Variants in KAT6A observed in about 807,000 individuals in gnomAD.
The protein encoded by KAT6A is lysine acetyltransferase 6A.
Under a neutral mutation model 198.4 loss-of-function variants are expected in KAT6A, and 9 were observed. The ratio of observed to expected loss-of-function variants is 0.05; its 90% CI spans 0.03 to 0.08. The LOEUF (loss-of-function observed/expected upper bound fraction) is 0.08, where lower values mean the gene tolerates loss of function less well. Among genes scored for constraint, KAT6A ranks in the 10% least tolerant of loss-of-function variants. The probability of loss-of-function intolerance (pLI) is 1.00; values close to 1 mark genes in which losing one functional copy is unlikely to be tolerated. For synonymous variants in KAT6A, 890 were observed against 883.0 expected, an observed-to-expected ratio of 1.01 and a Z score of -0.14; for missense variants, 2,077 against 2,509.9, an observed-to-expected ratio of 0.83 and a Z score of 3.69.
chr8:42,041,212 AAC>A (rs1450236900), intron 2 of KAT6A, among the ~76,000 whole-genome samples: 1 of 150,782 alleles, frequency 6.6e-6, no homozygotes, highest in African/African-American at 2.4e-5. Context: ...AAAAAAAAAA[AAC>A]TGTGCAGCTG....
chr8:41,930,456 CAATTAAAG>C lies in KAT6A; in HGVS notation c.*1741_*1748del, dbSNP rs1821472258. 4.6e-6 allele frequency: 1 copy of C among 217,354 alleles called. No homozygotes were observed. The highest frequency in any genetic ancestry group is 9.2e-6 in the Non-Finnish European group (1 of 108,406). The allele number at this position is 217,354 out of a possible 1,614,324, so 13.5% of individuals were successfully genotyped here. A position where few individuals can be genotyped will look rare whatever the true frequency, so the allele number is the denominator to read the frequency against. ...TTCTACCTAGCACGCTTGAGAAAGT[CAATTAAAG>C]TGTATTAAAAAAACCAACAAACCTG... On this transcript the variant is annotated 3_prime_UTR_variant, in exon 17 of 17. Coordinates refer to ENST00000265713, the MANE Select transcript of KAT6A (RefSeq NM_006766.5).
At chr8:41,993,586 A>G (rs190860051) in intron 2 of KAT6A, among the ~76,000 whole-genome samples, 2 of 152,226 alleles carry the variant, frequency 1.3e-5, no homozygotes, top group Non-Finnish European at 1.5e-5. Flanking sequence ...GACAATGATC[A>G]TGACATTTTA....
At chr8:41,970,586 AAAAG>A (rs1255487297) in intron 8 of KAT6A, among the ~76,000 whole-genome samples, 2 of 152,198 alleles carry the variant, frequency 1.3e-5, no homozygotes, top group Non-Finnish European at 2.9e-5. Context: ...GCAGTGACCA[AAAAG>A]AAAGGCCTCG....
chr8:41,933,322 T>A lies in KAT6A; in HGVS notation c.4898A>T (p.Lys1633Met). Residue 1633 changes from lysine to methionine, a missense_variant, in exon 17 of 17, where the codon AAG (lysine) becomes ATG (methionine). Physicochemically the swap from Lys to Met is moderately conservative, Grantham distance 95 (BLOSUM62 -1). This residue lies in a region of KAT6A where 500 missense variants were observed against 577.2 expected (regional missense o/e 0.87). Coordinates refer to ENST00000265713, the MANE Select transcript of KAT6A (RefSeq NM_006766.5). The surrounding 1 kb of genome is among the most constrained non-coding windows in gnomAD (Gnocchi z 6.2). ...SVQPAANCSI[K>M]SPQSCVVERP... is the part of the protein sequence containing the mutation. ...CTCCACCACGCAGCTCTGAGGTGACTTGATGCTGCAGTTGGCAGCAGGCTG... is the reference window on the plus strand; with the variant it reads ...CTCCACCACGCAGCTCTGAGGTGACATGATGCTGCAGTTGGCAGCAGGCTG... The A allele has an allele frequency of 6.4e-7, 1 of 1,574,554 alleles. No individual in the cohort carries two copies. The highest frequency in any genetic ancestry group is 8.6e-7 in the Non-Finnish European group (1 of 1,163,558).
At position 41,963,089 on chromosome 8, in the gene KAT6A, T is replaced by G. The variant is rs369116849; in HGVS notation, c.1483-7678A>C. 2.6e-5 allele frequency among the ~76,000 whole-genome samples: 4 copies of G among 152,310 alleles called. 1 individual carries two copies. Among genetic ancestry groups the G allele is most frequent in the South Asian group, 4.1e-4 (2 of 4,824 alleles). On this transcript the variant is annotated intron_variant, in intron 8 of 16. Coordinates refer to ENST00000265713, the MANE Select transcript of KAT6A (RefSeq NM_006766.5). ...ATGGCATACCATTTATTTTAACCCATTCCAACCCAAACTAAACTGTAAGCT... is the reference window on the plus strand; with the variant it reads ...ATGGCATACCATTTATTTTAACCCAGTCCAACCCAAACTAAACTGTAAGCT...
chr8:42,009,910 A>C lies in KAT6A; in HGVS notation c.601-22347T>G, dbSNP rs564377699. ...GCCCTGTCTCAAAAAAAAAAAAAAAAAAAACAAAAAAAAACAAAACCACAA... is the reference window on the plus strand; with the variant it reads ...GCCCTGTCTCAAAAAAAAAAAAAAACAAAACAAAAAAAAACAAAACCACAA... On this transcript the variant is annotated intron_variant, in intron 2 of 16. Transcript: ENST00000265713. Among the ~76,000 whole-genome samples, 367 of 138,976 alleles carry C rather than the reference A, an allele frequency of 2.6e-3. 3 individuals are homozygous for C. The highest frequency in any genetic ancestry group is 4.0e-3 in the Non-Finnish European group (254 of 63,484). The allele number at this position is 138,976 out of a possible 152,430, so 91.2% of individuals were successfully genotyped here.
intron 10 of KAT6A, among the ~76,000 whole-genome samples, 197 bp downstream of exon 10, chr8:41,949,025 T>C (rs375980395): frequency 2.0e-5 from 3 of 152,240 alleles, no homozygotes; most frequent in Non-Finnish European, 4.4e-5. Flanking sequence ...GATTCTAAGA[T>C]GTACTTTTAT....
chr8:41,987,616 C>A, intron 2 of KAT6A, 53 bp from the exon 3 acceptor site: 1 of 997,272 alleles, frequency 1.0e-6, no homozygotes, highest in Non-Finnish European at 1.6e-6. Context: ...TTTAGTATTA[C>A]TACAAAGACA....
intron 2 of KAT6A, among the ~76,000 whole-genome samples, chr8:42,022,357 T>G (rs1409115583): frequency 7.0e-6 from 1 of 142,984 alleles, no homozygotes; most frequent in Non-Finnish European, 1.5e-5. Flanking sequence ...CCTAGATATT[T>G]CTAAAGCAAC....
intron 2 of KAT6A, among the ~76,000 whole-genome samples, chr8:42,042,644 T>C (rs1369916313): frequency 1.3e-5 from 2 of 152,222 alleles, no homozygotes; most frequent in African/African-American, 4.8e-5. Flanking sequence ...TGGATCTTTC[T>C]GCTCCAGGTT....
At chr8:42,002,951 G>A (rs1825566346) in intron 2 of KAT6A, among the ~76,000 whole-genome samples, 1 of 152,106 alleles carries the variant, frequency 6.6e-6, no homozygotes. Context: ...ATTTCAGGGA[G>A]GCTGTACTCC....
intron 8 of KAT6A, among the ~76,000 whole-genome samples, chr8:41,961,570 T>C (rs1823202765): frequency 6.6e-6 from 1 of 151,976 alleles, no homozygotes; most frequent in South Asian, 2.1e-4. Context: ...CTGGCCAACA[T>C]GGTGAAACCC....
chr8:42,037,299 A>T (rs1389877303), intron 2 of KAT6A, among the ~76,000 whole-genome samples: 2 of 152,202 alleles, frequency 1.3e-5, no homozygotes, highest in Non-Finnish European at 2.9e-5. Context: ...TAAGGCAGGA[A>T]AATGGTGAAA....
chr8:41,933,783 A>C lies in KAT6A; in HGVS notation c.4437T>G (p.His1479Gln). 3 of 1,614,026 alleles carry C rather than the reference A, an allele frequency of 1.9e-6. No homozygotes were observed. The highest frequency in any genetic ancestry group is 2.5e-6 in the Non-Finnish European group (3 of 1,180,002). The change falls in exon 17 of 17, where the codon CAT (histidine) becomes CAG (glutamine). Residue 1479 changes from histidine (H) to glutamine (Q), a missense_variant. Physicochemically the swap from His to Gln is conservative, Grantham distance 24 (BLOSUM62 0). This residue lies in a region of KAT6A where 178 missense variants were observed against 220.8 expected (regional missense o/e 0.81). Coordinates refer to ENST00000265713, the MANE Select transcript of KAT6A (RefSeq NM_006766.5). This position sits in a 1 kb window ranked among gnomAD's most constrained non-coding sequence, Gnocchi z 6.2. Reference protein sequence around the residue: ...SMVEDCHASEHNSPISSVQSH... With the variant: ...SMVEDCHASEQNSPISSVQSH... ...ACTGAACGGAGGAGATAGGGCTATTATGTTCTGACGCATGACAGTCTTCAA... is the reference window on the plus strand; with the variant it reads ...ACTGAACGGAGGAGATAGGGCTATTCTGTTCTGACGCATGACAGTCTTCAA...
chr8:41,941,969 G>A (rs760835815), intron 14 of KAT6A: 27 of 176,774 alleles, frequency 1.5e-4, no homozygotes, highest in Non-Finnish European at 2.8e-4. Flanking sequence ...AAATATGAAA[G>A]AAAGTTTATG....
intron 8 of KAT6A, among the ~76,000 whole-genome samples, chr8:41,964,307 A>G (rs1823350322): frequency 6.6e-6 from 1 of 152,200 alleles, no homozygotes; most frequent in African/African-American, 2.4e-5. Context: ...AATGCTGAAT[A>G]TAGTATTTTA....
At chr8:41,975,198 T>C (rs1030359380) in intron 7 of KAT6A, among the ~76,000 whole-genome samples, 19 of 152,114 alleles carry the variant, frequency 1.2e-4, no homozygotes, top group Admixed American at 2.6e-4. Flanking sequence ...AAAAACCTCT[T>C]GAGTAGCTAC....
At chr8:41,949,467 G>T in intron 9 of KAT6A, 104 bp from the exon 10 acceptor site, 1 of 773,870 alleles carries the variant, frequency 1.3e-6, no homozygotes, top group Non-Finnish European at 1.8e-6. Flanking sequence ...CCAGGTAACA[G>T]GTTAAAAAAA....
intron 2 of KAT6A, among the ~76,000 whole-genome samples, chr8:42,030,862 A>G (rs1827074234): frequency 6.6e-6 from 1 of 151,994 alleles, no homozygotes; most frequent in Non-Finnish European, 1.5e-5. Context: ...ACAGGGGTTA[A>G]CCACTGTGCT....
Sources: gnomAD v4.1 joint callset for allele counts (sites outside exome capture counted in the v4.1 genomes callset) on GRCh38, gnomAD v4.1.1 for gene constraint, gnomAD v4.1.1 regional missense constraint, Gnocchi (gnomAD v3.1) non-coding constraint, MANE v1.5 for transcripts, NCBI Gene and HGNC (gene_info 2026-07-23, HGNC 2026-07-21) for gene names.